SGCD: variants seen among roughly 807,000 people sequenced by gnomAD.
SGCD encodes delta-sarcoglycan.
Under a neutral mutation model 36.6 loss-of-function variants are expected in SGCD, and 18 were observed. The observed-to-expected ratio is 0.49, with a 90% confidence interval of 0.34 to 0.73. The LOEUF (loss-of-function observed/expected upper bound fraction) is 0.73, where lower values mean the gene tolerates loss of function less well. Ranked by LOEUF, SGCD falls within the 30% of genes least tolerant of loss-of-function variation. The probability of loss-of-function intolerance (pLI) is 0.01; values close to 1 mark genes in which losing one functional copy is unlikely to be tolerated. For missense variants in SGCD, 387 were observed against 346.7 expected, an observed-to-expected ratio of 1.12 and a Z score of -0.92; for synonymous variants, 133 against 130.6, an observed-to-expected ratio of 1.02 and a Z score of -0.12.
chr5:155,890,772 G>A (rs531349457), intron 1 of SGCD, among the ~76,000 whole-genome samples: 1 of 152,206 alleles, frequency 6.6e-6, no homozygotes, highest in Non-Finnish European at 1.5e-5. Context: ...GTCGTACCAG[G>A]ACTGCTTCAC....
chr5:156,655,440 C>G (rs1241464602), intron 7 of SGCD, among the ~76,000 whole-genome samples: 1 of 152,036 alleles, frequency 6.6e-6, no homozygotes, highest in Non-Finnish European at 1.5e-5. Context: ...AGTTTTGGTT[C>G]ATTGCCTTTT....
chr5:156,547,441 C>CTTTTTTTTTTTTT (rs398065337), intron 4 of SGCD, among the ~76,000 whole-genome samples: 1 of 145,186 alleles, frequency 6.9e-6, no homozygotes, highest in African/African-American at 2.5e-5. Flanking sequence ...GATAATATGA[C>CTTTTTTTTTTTTT]TTTTTTTTTT....
chr5:155,816,415 A>T, the SGCD span, among the ~76,000 whole-genome samples: 1 of 152,192 alleles, frequency 6.6e-6, no homozygotes, highest in African/African-American at 2.4e-5. Flanking sequence ...AAGAAAATAA[A>T]GTTACTATTT....
chr5:155,978,304 C>A (rs1476557442), intron 1 of SGCD, among the ~76,000 whole-genome samples: 1 of 152,188 alleles, frequency 6.6e-6, no homozygotes, highest in East Asian at 1.9e-4. Flanking sequence ...GAAAATCATT[C>A]TGAATCAGGA....
intron 1 of SGCD, among the ~76,000 whole-genome samples, chr5:155,947,308 T>C (rs1757458075): frequency 7.1e-6 from 1 of 140,066 alleles, no homozygotes; most frequent in Non-Finnish European, 1.6e-5. Flanking sequence ...TGTGTGTGTG[T>C]GTGTGTGTGT....
At chr5:156,524,528 T>G (rs1757567586) in intron 4 of SGCD, among the ~76,000 whole-genome samples, 1 of 151,588 alleles carries the variant, frequency 6.6e-6, no homozygotes, top group African/African-American at 2.4e-5. Flanking sequence ...CATCATGAAA[T>G]GACTAACATA....
chr5:155,902,962 G>T (rs547250446), intron 1 of SGCD, among the ~76,000 whole-genome samples: 13 of 152,138 alleles, frequency 8.5e-5, no homozygotes, highest in African/African-American at 2.9e-4. Flanking sequence ...TATTTCTTTT[G>T]AGCCCTATGT....
chr5:156,586,337 T>C (rs544510481), intron 4 of SGCD, among the ~76,000 whole-genome samples: 1 of 152,348 alleles, frequency 6.6e-6, no homozygotes, highest in Admixed American at 6.5e-5. Flanking sequence ...CTTTTTATCA[T>C]ATCAAGGGTG....
the SGCD span, among the ~76,000 whole-genome samples, chr5:155,822,884 C>G: frequency 0.044 from 6,690 of 151,904 alleles, 457 homozygotes; most frequent in African/African-American, 0.15. Flanking sequence ...GTTTTCCTCA[C>G]TGAGGTCCTG....
chr5:156,383,882 A>T (rs1343881165), intron 3 of SGCD, among the ~76,000 whole-genome samples: 1 of 152,204 alleles, frequency 6.6e-6, no homozygotes, highest in Non-Finnish European at 1.5e-5. Context: ...TCATCAGAAT[A>T]TATGTATATA....
intron 8 of SGCD, 77 bp from the exon 9 acceptor site, chr5:156,759,140 C>T (rs1490636374): frequency 1.2e-5 from 13 of 1,126,264 alleles, no homozygotes; most frequent in Non-Finnish European, 1.8e-5. Context: ...ATTGAACATT[C>T]ACTTGCTGTT....
intron 5 of SGCD, 28 bp from the exon 6 acceptor site, chr5:156,594,904 T>G: frequency 6.8e-7 from 1 of 1,473,666 alleles, no homozygotes; most frequent in Non-Finnish European, 9.4e-7. Context: ...CTCTCCTCTC[T>G]ATCTCTCTAT....
chr5:156,375,160 C>T (rs561359573), intron 3 of SGCD, among the ~76,000 whole-genome samples: 1 of 152,260 alleles, frequency 6.6e-6, no homozygotes, highest in South Asian at 2.1e-4. Flanking sequence ...CTCTCTCTTT[C>T]CCTCTCCTTC....
At chr5:156,503,383 A>C (rs532166831) in intron 3 of SGCD, among the ~76,000 whole-genome samples, 2 of 152,114 alleles carry the variant, frequency 1.3e-5, no homozygotes, top group South Asian at 4.2e-4. Flanking sequence ...GATCCCTTCG[A>C]CTCTGAGAAG....
At position 156,122,843 on chromosome 5, in the gene SGCD, T is replaced by TAAAAAAAAAAAAAAA. The variant is rs33983852; in HGVS notation, c.-207-986_-207-972dup. ...ACCAGCATGGTAGTAAAAGATGTGGTAAAAAAAAAAAAAAAAAAAAAAAAA... is the reference window on the plus strand; with the variant it reads ...ACCAGCATGGTAGTAAAAGATGTGGTAAAAAAAAAAAAAAAAAAAAAAAAAAAAAAAAAAAAAAAA... On this transcript the variant is annotated intron_variant, in intron 2 of 9. Transcript: ENST00000517913. Among the ~76,000 whole-genome samples the TAAAAAAAAAAAAAAA allele has an allele frequency of 7.4e-5, 4 of 54,170 alleles. 1 individual carries two copies. Among genetic ancestry groups the TAAAAAAAAAAAAAAA allele is most frequent in the Admixed American group, 2.5e-4 (1 of 3,960 alleles). 35.5% of individuals were successfully genotyped at this position (54,170 alleles called of 152,430 possible).
intron 7 of SGCD, among the ~76,000 whole-genome samples, chr5:156,678,750 C>G (rs1173423585): frequency 6.6e-6 from 1 of 152,152 alleles, no homozygotes; most frequent in Non-Finnish European, 1.5e-5. Context: ...AGGAAGTATA[C>G]GTGAGCAATT....
At chr5:156,011,614 A>G (rs917863408) in intron 1 of SGCD, among the ~76,000 whole-genome samples, 1 of 151,932 alleles carries the variant, frequency 6.6e-6, no homozygotes. Flanking sequence ...AATTTTTTGT[A>G]TTTTTAGTAA....
intron 7 of SGCD, among the ~76,000 whole-genome samples, chr5:156,700,396 T>C (rs1005606534): frequency 6.6e-6 from 1 of 152,162 alleles, no homozygotes; most frequent in Non-Finnish European, 1.5e-5. Context: ...AATATAGGTG[T>C]GGTCAAAAGA....
intron 3 of SGCD, among the ~76,000 whole-genome samples, chr5:156,487,804 A>AG (rs1755748406): frequency 3.0e-5 from 4 of 135,358 alleles, no homozygotes; most frequent in Non-Finnish European, 4.6e-5. Flanking sequence ...AAAAAAAAAA[A>AG]AAAAAAAAAA....
Sources: allele counts gnomAD v4.1 joint callset (sites outside exome capture counted in the v4.1 genomes callset), GRCh38; gene constraint gnomAD v4.1.1; transcripts MANE v1.5; gene names NCBI Gene and HGNC (gene_info 2026-07-23, HGNC 2026-07-21).